ACOX3: variants seen among roughly 807,000 people sequenced by gnomAD.
ACOX3 encodes peroxisomal acyl-coenzyme A oxidase 3.
Under a neutral mutation model 81.5 loss-of-function variants are expected in ACOX3, and 73 were observed. The observed-to-expected ratio is 0.90, with a 90% CI of 0.74 to 1.09. ACOX3 has a LOEUF of 1.09. ACOX3 is among the 50% of genes least tolerant of loss of function. The pLI is 0.00. For missense variants in ACOX3, 947 were observed against 928.0 expected (o/e 1.02, Z -0.27); for synonymous variants, 387 against 375.1 (o/e 1.03, Z -0.37).
intron 1 of ACOX3, among the ~76,000 whole-genome samples, chr4:8,429,828 A>G (rs990328519): frequency 1.3e-5 from 2 of 152,178 alleles, no homozygotes; most frequent in Non-Finnish European, 2.9e-5. Context: ...TGCAGTCCCA[A>G]CTACTCGTGA....
the ACOX3 span, among the ~76,000 whole-genome samples, chr4:8,360,535 G>A: frequency 6.6e-6 from 1 of 150,628 alleles, no homozygotes; most frequent in Non-Finnish European, 1.5e-5. Flanking sequence ...GCAGTGGTGC[G>A]ATCTCGGCTC....
At chr4:8,401,955 G>C (rs1392374409) in intron 7 of ACOX3, among the ~76,000 whole-genome samples, 1 of 152,202 alleles carries the variant, frequency 6.6e-6, no homozygotes, top group Non-Finnish European at 1.5e-5. Context: ...TGGTTCCTGG[G>C]TGAGCTAGCT....
chr4:8,436,778 T>A (rs1036245860), intron 1 of ACOX3, among the ~76,000 whole-genome samples: 4 of 150,474 alleles, frequency 2.7e-5, no homozygotes, highest in Non-Finnish European at 4.4e-5. Context: ...GGTCAGGAGA[T>A]CGAGACCATC....
At chr4:8,420,180 G>C (rs1722778799) in intron 1 of ACOX3, among the ~76,000 whole-genome samples, 2 of 152,194 alleles carry the variant, frequency 1.3e-5, no homozygotes, top group South Asian at 4.1e-4. Context: ...CAAATCCCCA[G>C]ATCCTAACAA....
rs1476344456 is a variant in ACOX3, at chr4:8,399,253, C to T, written c.873+303G>A. On this transcript the variant is annotated intron_variant, in intron 8 of 17. Coordinates refer to ENST00000356406, the MANE Select transcript of ACOX3 (RefSeq NM_003501.3). This position sits in a 1 kb window ranked among gnomAD's most constrained non-coding sequence, Gnocchi z 4.9. Reference sequence around the variant, plus strand: ...GGACAGTTCGCCAGGAGACCCGTCTCCTTCAAATCCTCAGGGAAGCATCAC... The same window carrying T: ...GGACAGTTCGCCAGGAGACCCGTCTTCTTCAAATCCTCAGGGAAGCATCAC... 6.6e-6 allele frequency among the ~76,000 whole-genome samples: 1 copy of T among 152,192 alleles called. No homozygotes were observed. Among genetic ancestry groups the T allele is most frequent in the Non-Finnish European group, 1.5e-5 (1 of 68,034 alleles).
chr4:8,397,239 C>G, intron 8 of ACOX3, 120 bp from the exon 9 acceptor site: 2 of 1,000,418 alleles, frequency 2.0e-6, no homozygotes, highest in South Asian at 2.1e-5. Flanking sequence ...CCCACCTGCC[C>G]AGGCCCCATC....
chr4:8,412,769 G>A (rs1578962192), intron 5 of ACOX3, among the ~76,000 whole-genome samples: 1 of 151,986 alleles, frequency 6.6e-6, no homozygotes, highest in Non-Finnish European at 1.5e-5. Context: ...CAGGGCCAGG[G>A]AACAGAACAG....
At chr4:8,372,804 G>A (rs1376533715) in intron 16 of ACOX3, among the ~76,000 whole-genome samples, 1 of 152,226 alleles carries the variant, frequency 6.6e-6, no homozygotes, top group East Asian at 1.9e-4. Context: ...GCAGCACTCA[G>A]TCCAGTTCCT....
intron 1 of ACOX3, among the ~76,000 whole-genome samples, chr4:8,434,474 T>TG (rs899753528): frequency 1.3e-5 from 2 of 152,210 alleles, no homozygotes; most frequent in African/African-American, 4.8e-5. Flanking sequence ...AGCATCCCTG[T>TG]GGGGGGCTCC....
chr4:8,415,414 T>C (rs1428525887), intron 3 of ACOX3, among the ~76,000 whole-genome samples: 1 of 151,654 alleles, frequency 6.6e-6, no homozygotes, highest in East Asian at 1.9e-4. Context: ...TTTAAATTTT[T>C]TTATTTTTTT....
rs1302414699 is a variant in ACOX3 at position 8,416,528 on chromosome 4, A to G, written c.-7T>C. The stretch of plus-strand genomic sequence containing the variant: ...CTTCCACAGTGGATGCCATCGCGTG[A>G]TAAGAGCCTGCACAAAACATGCAAC... On this transcript the variant is annotated 5_prime_UTR_variant, in exon 2 of 18. Coordinates refer to ENST00000356406, the MANE Select transcript of ACOX3 (RefSeq NM_003501.3). This position sits in a 1 kb window ranked among gnomAD's most constrained non-coding sequence, Gnocchi z 4.2. 6.3e-7 allele frequency: 1 copy of G among 1,596,182 alleles called. No individual in the cohort carries two copies.
At chr4:8,375,431 T>A (rs1578861294) in intron 14 of ACOX3, among the ~76,000 whole-genome samples, 1 of 152,120 alleles carries the variant, frequency 6.6e-6, no homozygotes, top group African/African-American at 2.4e-5. Context: ...GGGACTGGGG[T>A]TGGCACCAGC....
intron 14 of ACOX3, among the ~76,000 whole-genome samples, chr4:8,376,238 A>T (rs1193772841): frequency 2.6e-5 from 4 of 152,094 alleles, no homozygotes; most frequent in Non-Finnish European, 5.9e-5. Context: ...TTCACTTATT[A>T]GCCTTTCTTT....
At position 8,406,126 on chromosome 4, in the gene ACOX3, G is replaced by T; in HGVS notation, c.688-83C>A. 7 of 1,359,118 alleles carry T rather than the reference G, an allele frequency of 5.2e-6. No individual in the cohort carries two copies. The highest frequency in any genetic ancestry group is 7.3e-6 in the Non-Finnish European group (7 of 953,296). 84.2% of individuals were successfully genotyped at this position (1,359,118 alleles called of 1,614,324 possible). On this transcript the variant is annotated intron_variant, in intron 6 of 17. Transcript: ENST00000356406. This position sits in a 1 kb window ranked among gnomAD's most constrained non-coding sequence, Gnocchi z 5.6. Reference sequence around the variant, plus strand: ...AACAAATGTGTTCAGAAACCCACAGGGTGGGCCATGGGCTCAACGCTGGGC... The same window carrying T: ...AACAAATGTGTTCAGAAACCCACAGTGTGGGCCATGGGCTCAACGCTGGGC...
intron 1 of ACOX3, among the ~76,000 whole-genome samples, chr4:8,418,458 C>CAA (rs765799961): frequency 1.6e-3 from 78 of 49,620 alleles, no homozygotes; most frequent in African/African-American, 3.8e-3. Context: ...GACTCCATCT[C>CAA]AAAAAAAAAA....
Position 8,406,952 on chromosome 4 carries a change from C to T in ACOX3, c.688-909G>A, listed in dbSNP as rs1721049705. Among the ~76,000 whole-genome samples, 1 of 152,180 alleles carries T rather than the reference C, an allele frequency of 6.6e-6. No homozygotes were observed. The highest frequency in any genetic ancestry group is 1.5e-5 in the Non-Finnish European group (1 of 68,024). ...AAGAGGTGGAGGAGTAGAGTCTTCTCTAAACTCCCCCAGGGAAAGGGAGAC... is the reference window on the plus strand; with the variant it reads ...AAGAGGTGGAGGAGTAGAGTCTTCTTTAAACTCCCCCAGGGAAAGGGAGAC... On this transcript the variant is annotated intron_variant, in intron 6 of 17. Coordinates refer to ENST00000356406, the MANE Select transcript of ACOX3 (RefSeq NM_003501.3). The surrounding 1 kb of genome is among the most constrained non-coding windows in gnomAD (Gnocchi z 5.6).
At chr4:8,415,689 T>C in intron 3 of ACOX3, 77 bp downstream of exon 3, 2 of 1,267,014 alleles carry the variant, frequency 1.6e-6, no homozygotes, top group South Asian at 2.6e-5. Context: ...GCCTCTTGGT[T>C]GGCCCTGGGA....
rs1291740442 is a variant in ACOX3 at position 8,384,161 on chromosome 4, T to TA, written c.1538-2555dup. Among the ~76,000 whole-genome samples, 4 of 152,216 alleles carry TA rather than the reference T, an allele frequency of 2.6e-5. No individual in the cohort carries two copies. The highest frequency in any genetic ancestry group is 9.6e-5 in the African/African-American group (4 of 41,462). On this transcript the variant is annotated intron_variant, in intron 13 of 17. Transcript: ENST00000356406. This position sits in a 1 kb window ranked among gnomAD's most constrained non-coding sequence, Gnocchi z 5.3. ...ATGAGGCTTCACGTCGATGGCCAGT[T>TA]AGACTGTGCTGTGGGCTTCAAGTGA...
In ACOX3 at chr4:8,389,260, T is replaced by C; in HGVS notation, c.1450A>G (p.Lys484Glu). ...HDGACFRSPL[K>E]SVDFLDAYPG... ...TAGGCGTCCAGAAAGTCCACTGACTTCAGCGGACTGCGGAAGCAAGCTCCA... is the reference window on the plus strand; with the variant it reads ...TAGGCGTCCAGAAAGTCCACTGACTCCAGCGGACTGCGGAAGCAAGCTCCA... The change falls in exon 13 of 18, where the codon AAG (lysine) becomes GAG (glutamate). Residue 484 changes from lysine to glutamate, a missense_variant. Lys to Glu is a moderately conservative substitution (Grantham distance 56, BLOSUM62 1). Transcript: ENST00000356406. The surrounding 1 kb of genome is among the most constrained non-coding windows in gnomAD (Gnocchi z 5.3). 6.2e-7 allele frequency: 1 copy of C among 1,613,530 alleles called. No individual in the cohort carries two copies. Among genetic ancestry groups the C allele is most frequent in the Middle Eastern group, 1.6e-4 (1 of 6,062 alleles).
Sources: allele counts gnomAD v4.1 joint callset (sites outside exome capture counted in the v4.1 genomes callset), GRCh38; gene constraint gnomAD v4.1.1; non-coding constraint Gnocchi (gnomAD v3.1); transcripts MANE v1.5; gene names NCBI Gene and HGNC (gene_info 2026-07-23, HGNC 2026-07-21).